Variants in KDM2B observed in about 807,000 individuals in gnomAD.
The protein encoded by KDM2B is lysine-specific demethylase 2B.
KDM2B carries 26 observed loss-of-function variants against 150.0 expected under a neutral mutation model. The ratio of observed to expected loss-of-function variants is 0.17; its 90% CI spans 0.13 to 0.24. The LOEUF is 0.24. Ranked by LOEUF, KDM2B falls within the 10% of genes least tolerant of loss-of-function variation. The pLI is 1.00. For synonymous variants in KDM2B, 734 were observed against 729.5 expected, an observed-to-expected ratio of 1.01 and a Z score of -0.10; for missense variants, 1,265 against 1,816.9, an observed-to-expected ratio of 0.70 and a Z score of 5.52.
chr12:121,537,833 G>A lies in KDM2B; in HGVS notation c.684-3243C>T, dbSNP rs1185925304. Among the ~76,000 whole-genome samples the A allele has an allele frequency of 6.6e-6, 1 of 151,566 alleles. No homozygotes were observed. The highest frequency in any genetic ancestry group is 6.6e-5 in the Admixed American group (1 of 15,250). On this transcript the variant is annotated intron_variant, in intron 6 of 22. Coordinates refer to ENST00000377071, the MANE Select transcript of KDM2B (RefSeq NM_032590.5). This position sits in a 1 kb window ranked among gnomAD's most constrained non-coding sequence, Gnocchi z 8.7. ...CTCCGCGACGCCGGCCCTGTAGCCC[G>A]CGGGCGGGAGGCCACCCACACCCGC...
intron 8 of KDM2B, among the ~76,000 whole-genome samples, chr12:121,527,547 A>G (rs1197255007): frequency 1.3e-5 from 2 of 149,212 alleles, no homozygotes; most frequent in Non-Finnish European, 3.0e-5. Flanking sequence ...CCAGCTACTC[A>G]GGAGGCTGAA....
At chr12:121,579,161 T>C (rs1891740698) in intron 1 of KDM2B, among the ~76,000 whole-genome samples, 1 of 152,196 alleles carries the variant, frequency 6.6e-6, no homozygotes, top group African/African-American at 2.4e-5. Flanking sequence ...CTACGCGGGG[T>C]ACTCCCCTCC....
At chr12:121,535,974 C>A in intron 6 of KDM2B, 1 of 863,748 alleles carries the variant, frequency 1.2e-6, no homozygotes, top group Non-Finnish European at 1.4e-6. Context: ...CACGCCCATG[C>A]ACCTTGGCAC....
At chr12:121,562,632 T>C (rs1890424723) in intron 4 of KDM2B, among the ~76,000 whole-genome samples, 1 of 143,458 alleles carries the variant, frequency 7.0e-6, no homozygotes, top group Non-Finnish European at 1.5e-5. Context: ...AGTAAATCTG[T>C]AAGGGAAGAA....
downstream of KDM2B, among the ~76,000 whole-genome samples, chr12:121,428,937 T>C (rs1413645535): frequency 6.6e-6 from 1 of 152,052 alleles, no homozygotes; most frequent in East Asian, 1.9e-4. Flanking sequence ...TGAGCAGCTC[T>C]TCTCCTTAAA....
chr12:121,566,613 C>A (rs1280896417), intron 4 of KDM2B, among the ~76,000 whole-genome samples: 12 of 151,322 alleles, frequency 7.9e-5, no homozygotes, highest in African/African-American at 2.9e-4. Context: ...AAGCGAAATT[C>A]TGTCTCAAAA....
At chr12:121,532,777 GA>G in intron 8 of KDM2B, 28 bp downstream of exon 8, 1 of 1,611,980 alleles carries the variant, frequency 6.2e-7, no homozygotes, top group South Asian at 1.1e-5. Flanking sequence ...GAGACTCGAG[GA>G]GCCCAGAGAG....
In KDM2B at chr12:121,513,500, C is replaced by A; in HGVS notation, c.1048-98G>T. ...GGGCAGGCTCCCTGCAGGTGAGGGT[C>A]ACTGTCATCATCTTAGCGAGAGCAT... is the stretch of plus-strand genomic sequence containing the variant. On this transcript the variant is annotated intron_variant, in intron 9 of 22. Coordinates refer to ENST00000377071, the MANE Select transcript of KDM2B (RefSeq NM_032590.5). This position sits in a 1 kb window ranked among gnomAD's most constrained non-coding sequence, Gnocchi z 5.0. 1 of 1,354,574 alleles carries A rather than the reference C, an allele frequency of 7.4e-7. No homozygotes were observed. Among genetic ancestry groups the A allele is most frequent in the South Asian group, 1.3e-5 (1 of 79,212 alleles). The allele number at this position is 1,354,574 out of a possible 1,614,324, so 83.9% of individuals were successfully genotyped here.
intron 22 of KDM2B, among the ~76,000 whole-genome samples, chr12:121,436,007 C>G (rs1376004161): frequency 6.6e-6 from 1 of 152,138 alleles, no homozygotes; most frequent in Non-Finnish European, 1.5e-5. Flanking sequence ...ACAGTCAATG[C>G]AGAGAGAAGA....
chr12:121,420,092 A>G, the KDM2B span: 1 of 634,934 alleles, frequency 1.6e-6, no homozygotes, highest in East Asian at 2.9e-5. Flanking sequence ...GTAGGGCCCA[A>G]CTTTTTGGAA....
rs1460711365 is a variant in KDM2B at position 121,453,811 on chromosome 12, G to A, written c.1735-467C>T. Reference sequence around the variant, plus strand: ...GCCTCCAGAACCGGGAGAGAAGAAAGGCCGGTTGTTTTAAGCCACCCGTTA... The same window carrying A: ...GCCTCCAGAACCGGGAGAGAAGAAAAGCCGGTTGTTTTAAGCCACCCGTTA... On this transcript the variant is annotated intron_variant, in intron 12 of 22. Transcript: ENST00000377071. The surrounding 1 kb of genome is among the most constrained non-coding windows in gnomAD (Gnocchi z 6.4). Among the ~76,000 whole-genome samples the A allele has an allele frequency of 6.6e-6, 1 of 152,142 alleles. No homozygotes were observed. The highest frequency in any genetic ancestry group is 1.9e-4 in the East Asian group (1 of 5,182).
chr12:121,502,632 T>C (rs1884674213), intron 11 of KDM2B, among the ~76,000 whole-genome samples: 1 of 147,958 alleles, frequency 6.8e-6, no homozygotes, highest in Non-Finnish European at 1.5e-5. Flanking sequence ...AAAAAAAAGG[T>C]ATCACCTGGC....
chr12:121,528,357 G>A (rs1399809103), intron 8 of KDM2B, among the ~76,000 whole-genome samples: 24 of 152,124 alleles, frequency 1.6e-4, no homozygotes, highest in Non-Finnish European at 1.5e-5. Context: ...CCAGGAATTT[G>A]AGACCAGGTT....
the KDM2B span, among the ~76,000 whole-genome samples, chr12:121,421,365 C>T: frequency 4.1e-5 from 4 of 97,614 alleles, no homozygotes; most frequent in African/African-American, 1.7e-4. Context: ...AGAGAGATCC[C>T]ATCTCTAAAA....
At position 121,549,315 on chromosome 12, in the gene KDM2B, C is replaced by A. The variant is rs1228161794; in HGVS notation, c.576+145G>T. ...TCCCTGTCTCTACAAACCACGTTAC[C>A]AACCTTAGTCACCCCTATGCCTGCC... On this transcript the variant is annotated intron_variant, in intron 5 of 22. Coordinates refer to ENST00000377071, the MANE Select transcript of KDM2B (RefSeq NM_032590.5). This position sits in a 1 kb window ranked among gnomAD's most constrained non-coding sequence, Gnocchi z 4.4. 11 of 696,286 alleles carry A rather than the reference C, an allele frequency of 1.6e-5. No individual in the cohort carries two copies. Among genetic ancestry groups the A allele is most frequent in the Non-Finnish European group, 2.6e-5 (11 of 425,894 alleles). 43.1% of individuals were successfully genotyped at this position (696,286 alleles called of 1,614,324 possible).
At position 121,442,832 on chromosome 12, in the gene KDM2B, C is replaced by T. The variant is rs782031019; in HGVS notation, c.2609G>A (p.Arg870Gln). The T allele has an allele frequency of 1.8e-5, 27 of 1,519,606 alleles. 1 individual carries two copies. Among genetic ancestry groups the T allele is most frequent in the East Asian group, 9.1e-5 (4 of 43,754 alleles). The allele number at this position is 1,519,606 out of a possible 1,614,324, so 94.1% of individuals were successfully genotyped here. ...KEDKLFRKKR[R>Q]SWKNAEDRMA... ...GCGGTCCTCGGCGTTCTTCCAGGAC[C>T]GCCGCTGAGGGCGAGAGCGGAGACG... Residue 870 changes from arginine (R) to glutamine (Q), a missense_variant, in exon 19 of 23, where the codon CGG becomes CAG. By Grantham distance (43) the Arg-to-Gln change is conservative. Transcript: ENST00000377071. The surrounding 1 kb of genome is among the most constrained non-coding windows in gnomAD (Gnocchi z 7.7).
At chr12:121,420,215 C>A in the KDM2B span, 2 of 1,604,888 alleles carry the variant, frequency 1.2e-6, no homozygotes, top group South Asian at 1.1e-5. Context: ...GATTCCTGAC[C>A]TAATCAGATA....
In KDM2B at chr12:121,440,915, T is replaced by C; in HGVS notation, c.3511A>G (p.Ser1171Gly). The stretch of plus-strand genomic sequence containing the variant: ...TCCAGGGTCCGGAGCAGCGGACAAC[T>C]GGAGCTGCAAAGGGCCGAGACCGCG... ...WIAVSALCSS[S>G]CPLLRTLDVQ... Residue 1171 changes from serine (S) to glycine (G), a missense_variant, in exon 21 of 23, where the codon AGT becomes GGT. This residue lies in a region of KDM2B where 251 missense variants were observed against 397.8 expected (regional missense o/e 0.63). Transcript: ENST00000377071. 6.2e-7 allele frequency: 1 copy of C among 1,614,038 alleles called. No individual in the cohort carries two copies. The highest frequency in any genetic ancestry group is 8.5e-7 in the Non-Finnish European group (1 of 1,180,000).
intron 4 of KDM2B, among the ~76,000 whole-genome samples, chr12:121,571,358 G>A (rs1026901189): frequency 5.9e-5 from 9 of 152,040 alleles, no homozygotes; most frequent in Admixed American, 3.9e-4. Flanking sequence ...GTGCAATCTC[G>A]GCTCACTGCA....
Sources: allele counts gnomAD v4.1 joint callset (sites outside exome capture counted in the v4.1 genomes callset), GRCh38; gene constraint gnomAD v4.1.1; regional missense constraint gnomAD v4.1.1; non-coding constraint Gnocchi (gnomAD v3.1); transcripts MANE v1.5; gene names NCBI Gene and HGNC (gene_info 2026-07-23, HGNC 2026-07-21).